The following LGSN variants were observed in gnomAD, a reference collection of about 807,000 sequenced individuals.
LGSN encodes lengsin.
LGSN carries 21 observed loss-of-function variants against 19.5 expected under a neutral mutation model. The ratio of observed to expected loss-of-function variants is 1.07; its 90% CI spans 0.76 to 1.55. LGSN has a LOEUF of 1.55. Ranked by LOEUF, LGSN falls within the 40% of genes most tolerant of loss-of-function variation. LGSN has a pLI of 0.00. For synonymous variants in LGSN, 257 were observed against 215.6 expected (o/e 1.19, Z -1.68); for missense variants, 673 against 608.5 (o/e 1.11, Z -1.12).
At chr6:63,407,523 C>T in the LGSN span, among the ~76,000 whole-genome samples, 11 of 152,022 alleles carry the variant, frequency 7.2e-5, no homozygotes, top group South Asian at 2.1e-4. Flanking sequence ...ATTGATGGGA[C>T]GTATCTCAAA....
rs1440753138 is a variant in LGSN at position 63,307,022 on chromosome 6, C to T, written c.31-11977G>A. 4.0e-5 allele frequency among the ~76,000 whole-genome samples: 6 copies of T among 151,828 alleles called. No individual in the cohort carries two copies. The East Asian group carries it at 1.2e-3, about 29-fold the overall frequency. On this transcript the variant is annotated intron_variant, in intron 1 of 3. Transcript: ENST00000370657. ...ATGCAGCAGCTCTAGAGATATGAGG[C>T]ACAACTGTATCAGCAGTGACCACCT... is the stretch of plus-strand genomic sequence containing the variant.
the LGSN span, chr6:63,443,461 C>G: frequency 4.4e-6 from 1 of 229,384 alleles, no homozygotes; most frequent in Admixed American, 6.5e-5. Context: ...GCACCAAGAG[C>G]AAGTGAGGGC....
the LGSN span, among the ~76,000 whole-genome samples, chr6:63,514,842 A>G: frequency 3.3e-5 from 5 of 151,936 alleles, no homozygotes; most frequent in Non-Finnish European, 5.9e-5. Context: ...CTGGGACCCC[A>G]GGCACCAGGC....
chr6:63,509,506 G>C, the LGSN span, among the ~76,000 whole-genome samples: 1 of 151,994 alleles, frequency 6.6e-6, no homozygotes, highest in African/African-American at 2.4e-5. Flanking sequence ...TGTAGAAATC[G>C]ACATTAAAAT....
the LGSN span, among the ~76,000 whole-genome samples, chr6:63,391,977 A>T: frequency 6.6e-6 from 1 of 152,208 alleles, no homozygotes; most frequent in Admixed American, 6.5e-5. Context: ...GTTTATTTTT[A>T]AAAATTACAA....
chr6:63,452,060 T>A, the LGSN span, among the ~76,000 whole-genome samples: 14 of 151,672 alleles, frequency 9.2e-5, no homozygotes, highest in African/African-American at 2.7e-4. Flanking sequence ...TTGTCTTTTT[T>A]TTTTTTTTTT....
chr6:63,319,539 CAAAGCATATTTATTAG>C (rs1769006635), intron 1 of LGSN, among the ~76,000 whole-genome samples: 1 of 152,092 alleles, frequency 6.6e-6, no homozygotes, highest in Non-Finnish European at 1.5e-5. Flanking sequence ...CATTTAATCT[CAAAGCATATTTATTAG>C]AAAGAGGCCA....
the LGSN span, chr6:63,549,031 C>T: frequency 5.4e-5 from 39 of 726,894 alleles, 1 homozygote; most frequent in South Asian, 4.5e-4. Flanking sequence ...GGATCCACGT[C>T]GTGTGCAATC....
At chr6:63,557,483 C>CAT in the LGSN span, among the ~76,000 whole-genome samples, 591 of 150,236 alleles carry the variant, frequency 3.9e-3, 4 homozygotes, top group African/African-American at 0.011. Context: ...AGAACTGCTC[C>CAT]ATATATATAT....
the LGSN span, chr6:63,548,921 C>G: frequency 1.7e-5 from 15 of 888,732 alleles, no homozygotes; most frequent in African/African-American, 2.3e-4. Flanking sequence ...TGCAGGTCTT[C>G]CTGTGGACTA....
the LGSN span, among the ~76,000 whole-genome samples, chr6:63,402,798 T>C: frequency 6.6e-6 from 1 of 152,160 alleles, no homozygotes; most frequent in Non-Finnish European, 1.5e-5. Context: ...TTTTTTTTTT[T>C]TAAGATGAGA....
At chr6:63,285,563 T>C (rs1286681534) in intron 3 of LGSN, 24 bp downstream of exon 3, 4 of 1,571,902 alleles carry the variant, frequency 2.5e-6, no homozygotes, top group Non-Finnish European at 3.5e-6. Context: ...AAATTACATT[T>C]AGTCACAACT....
the LGSN span, among the ~76,000 whole-genome samples, chr6:63,570,848 T>C: frequency 6.6e-6 from 1 of 152,204 alleles, no homozygotes; most frequent in African/African-American, 2.4e-5. Context: ...AAATTGACAT[T>C]TGTCAAAAGC....
intron 1 of LGSN, among the ~76,000 whole-genome samples, chr6:63,313,446 A>G (rs1768710897): frequency 6.6e-6 from 1 of 152,234 alleles, no homozygotes; most frequent in Non-Finnish European, 1.5e-5. Context: ...AAAAGTATGA[A>G]GTAAAGAAGA....
At chr6:63,479,522 G>A in the LGSN span, among the ~76,000 whole-genome samples, 2 of 151,950 alleles carry the variant, frequency 1.3e-5, no homozygotes, top group Admixed American at 6.6e-5. Context: ...GGCGGATCTC[G>A]AGGTCAGGAG....
chr6:63,315,873 T>TAAA (rs74271498), intron 1 of LGSN, among the ~76,000 whole-genome samples: 2 of 137,622 alleles, frequency 1.5e-5, no homozygotes. Flanking sequence ...ATCCAGGTCT[T>TAAA]AAAAAAAAAA....
chr6:63,381,789 C>A, the LGSN span, among the ~76,000 whole-genome samples: 1 of 152,170 alleles, frequency 6.6e-6, no homozygotes, highest in Non-Finnish European at 1.5e-5. Context: ...ACACAGCAAG[C>A]AATGGAGCTC....
the LGSN span, chr6:63,549,026 C>T: frequency 1.4e-6 from 1 of 727,610 alleles, no homozygotes. Flanking sequence ...CGATGGGATC[C>T]ACGTCGTGTG....
the LGSN span, among the ~76,000 whole-genome samples, chr6:63,552,476 C>T: frequency 3.9e-5 from 6 of 152,044 alleles, no homozygotes; most frequent in South Asian, 4.1e-4. Flanking sequence ...TTCTCCCATT[C>T]TGTAGGTTGC....
Sources: gnomAD v4.1 joint callset for allele counts (sites outside exome capture counted in the v4.1 genomes callset) on GRCh38, gnomAD v4.1.1 for gene constraint, MANE v1.5 for transcripts, NCBI Gene and HGNC (gene_info 2026-07-23, HGNC 2026-07-21) for gene names.